The following SNTG1 variants were observed in gnomAD, a reference collection of about 807,000 sequenced individuals.
SNTG1 encodes the protein syntrophin gamma 1, also known as gamma-1-syntrophin.
A neutral mutation model predicts 74.7 loss-of-function variants in SNTG1; 39 were observed. That is an observed-to-expected ratio of 0.52 (90% CI 0.40 to 0.68). The LOEUF is 0.68. Ranked by LOEUF, SNTG1 falls within the 30% of genes least tolerant of loss-of-function variation. The pLI is 0.00. For synonymous variants in SNTG1, 254 were observed against 217.1 expected (o/e 1.17, Z -1.49); for missense variants, 685 against 609.5 (o/e 1.12, Z -1.30).
chr8:49,978,260 A>G (rs996387824), intron 1 of SNTG1, among the ~76,000 whole-genome samples: 1 of 152,122 alleles, frequency 6.6e-6, no homozygotes, highest in Non-Finnish European at 1.5e-5. Context: ...AGAGAGAGAG[A>G]GAGACAGAAG....
intron 18 of SNTG1, among the ~76,000 whole-genome samples, chr8:50,753,615 C>T (rs1423685742): frequency 6.6e-6 from 1 of 151,794 alleles, no homozygotes; most frequent in Non-Finnish European, 1.5e-5. Flanking sequence ...ATTATACATG[C>T]AATTAATTAT....
intron 2 of SNTG1, among the ~76,000 whole-genome samples, chr8:50,286,247 G>A (rs2088776959): frequency 6.6e-6 from 1 of 152,304 alleles, no homozygotes; most frequent in East Asian, 1.9e-4. Flanking sequence ...TAGAATGGCA[G>A]ATCTTTACTT....
intron 1 of SNTG1, among the ~76,000 whole-genome samples, chr8:49,996,112 T>G (rs1814186580): frequency 6.6e-6 from 1 of 152,148 alleles, no homozygotes; most frequent in African/African-American, 2.4e-5. Flanking sequence ...ATTTTTTGGT[T>G]TGTCTTTTTT....
At chr8:50,653,733 T>C (rs1307540643) in intron 13 of SNTG1, among the ~76,000 whole-genome samples, 2 of 152,184 alleles carry the variant, frequency 1.3e-5, no homozygotes, top group African/African-American at 4.8e-5. Context: ...TTTACAACAG[T>C]GGCCCAGAGT....
At chr8:50,203,257 T>G (rs534729354) in intron 2 of SNTG1, among the ~76,000 whole-genome samples, 2 of 152,268 alleles carry the variant, frequency 1.3e-5, no homozygotes, top group South Asian at 4.1e-4. Flanking sequence ...TCTGAGAGTT[T>G]TTATTTACAT....
At chr8:50,353,856 G>T (rs2091741093) in intron 2 of SNTG1, among the ~76,000 whole-genome samples, 1 of 152,198 alleles carries the variant, frequency 6.6e-6, no homozygotes, top group Non-Finnish European at 1.5e-5. Context: ...AGGAAGGCAA[G>T]GGTGAAGGAT....
At chr8:49,972,627 G>A (rs1361886212) in intron 1 of SNTG1, among the ~76,000 whole-genome samples, 2 of 151,402 alleles carry the variant, frequency 1.3e-5, no homozygotes, top group African/African-American at 4.9e-5. Context: ...TCTGACAAAG[G>A]GCTAATATCC....
At chr8:50,341,234 G>A (rs769578167) in intron 2 of SNTG1, among the ~76,000 whole-genome samples, 17 of 151,656 alleles carry the variant, frequency 1.1e-4, no homozygotes, top group Non-Finnish European at 5.9e-5. Flanking sequence ...ACTCCTTTTG[G>A]AACATTGATA....
At position 50,148,538 on chromosome 8, in the gene SNTG1, C is replaced by T. The variant is rs10103000; in HGVS notation, c.-102-24023C>T. ...TCATCATTTACATTACATATATCTC[C>T]TAATGATTTCCCTCCCCCCAACCCA... On this transcript the variant is annotated intron_variant, in intron 1 of 18. Transcript: ENST00000642720. 4.1e-3 allele frequency among the ~76,000 whole-genome samples: 626 copies of T among 152,188 alleles called. 3 individuals are homozygous for T. Among genetic ancestry groups the T allele is most frequent in the African/African-American group, 0.015 (604 of 41,532 alleles).
intron 5 of SNTG1, among the ~76,000 whole-genome samples, chr8:50,446,766 A>G (rs1202234656): frequency 6.6e-6 from 1 of 152,088 alleles, no homozygotes; most frequent in African/African-American, 2.4e-5. Flanking sequence ...TAAGAGAAAA[A>G]CTGTGGTAAA....
intron 1 of SNTG1, among the ~76,000 whole-genome samples, chr8:50,125,166 G>A (rs2081101840): frequency 7.0e-6 from 1 of 142,106 alleles, no homozygotes; most frequent in African/African-American, 2.5e-5. Flanking sequence ...TGGGTAGCAG[G>A]TGGACTAGGA....
intron 1 of SNTG1, among the ~76,000 whole-genome samples, chr8:50,004,969 T>G (rs549165900): frequency 2.6e-5 from 4 of 152,224 alleles, no homozygotes; most frequent in Non-Finnish European, 2.9e-5. Flanking sequence ...TGACTGTTGA[T>G]TTCCATTAGT....
At chr8:49,987,782 G>A (rs1169431106) in intron 1 of SNTG1, among the ~76,000 whole-genome samples, 1 of 151,468 alleles carries the variant, frequency 6.6e-6, no homozygotes, top group East Asian at 2.0e-4. Flanking sequence ...CTGGGTAGCT[G>A]GGACTACAGG....
chr8:49,955,616 T>G (rs318885), intron 1 of SNTG1, among the ~76,000 whole-genome samples: 132,178 of 152,244 alleles, frequency 0.87, 57,563 homozygotes, highest in East Asian at 1. Context: ...TGATTTTAAT[T>G]GACTTGCTGC....
chr8:50,518,304 G>A (rs2130104756), intron 9 of SNTG1, among the ~76,000 whole-genome samples: 1 of 152,280 alleles, frequency 6.6e-6, no homozygotes, highest in East Asian at 1.9e-4. Context: ...CACAGCTAAA[G>A]TAGTGTTTAG....
intron 2 of SNTG1, among the ~76,000 whole-genome samples, chr8:50,279,466 C>T (rs1291320715): frequency 1.3e-5 from 2 of 152,052 alleles, no homozygotes; most frequent in Non-Finnish European, 2.9e-5. Flanking sequence ...ATAAGTAGAA[C>T]AAAGTTTTTT....
At chr8:49,941,165 G>T (rs1416546330) in intron 1 of SNTG1, among the ~76,000 whole-genome samples, 1 of 150,618 alleles carries the variant, frequency 6.6e-6, no homozygotes, top group Non-Finnish European at 1.5e-5. Flanking sequence ...TTTCACAAAG[G>T]GGGGTTTCCC....
intron 1 of SNTG1, among the ~76,000 whole-genome samples, chr8:49,973,500 A>C (rs1811907599): frequency 6.6e-6 from 1 of 151,988 alleles, no homozygotes. Flanking sequence ...GTACCCTAAA[A>C]GTTAAAGCAT....
intron 1 of SNTG1, among the ~76,000 whole-genome samples, chr8:50,080,089 A>T (rs1044687283): frequency 1.3e-5 from 2 of 152,128 alleles, no homozygotes; most frequent in East Asian, 3.9e-4. Flanking sequence ...AACACAATGT[A>T]TATTTATGGT....
Sources: gnomAD v4.1 joint callset for allele counts (sites outside exome capture counted in the v4.1 genomes callset) on GRCh38, gnomAD v4.1.1 for gene constraint, MANE v1.5 for transcripts, NCBI Gene and HGNC (gene_info 2026-07-23, HGNC 2026-07-21) for gene names.